GRIA4: variants seen among roughly 807,000 people sequenced by gnomAD.
GRIA4 encodes glutamate ionotropic receptor AMPA type subunit 4, also known as glutamate receptor 4.
GRIA4 carries 34 observed loss-of-function variants against 104.0 expected under a neutral mutation model. That is an observed-to-expected ratio of 0.33 (90% CI 0.25 to 0.44). The LOEUF is 0.44. GRIA4 is among the 20% of genes least tolerant of loss of function. The pLI is 1.00. For synonymous variants in GRIA4, 386 were observed against 381.9 expected (o/e 1.01, Z -0.13); for missense variants, 750 against 1,096.5 (o/e 0.68, Z 4.46).
At chr11:105,948,041 T>C (rs566891142) in intron 14 of GRIA4, among the ~76,000 whole-genome samples, 1 of 152,176 alleles carries the variant, frequency 6.6e-6, no homozygotes, top group African/African-American at 2.4e-5. Flanking sequence ...CCCCCATGTA[T>C]CTGAACTTTG....
intron 4 of GRIA4, among the ~76,000 whole-genome samples, chr11:105,830,977 C>T (rs889695497): frequency 6.6e-6 from 1 of 151,992 alleles, no homozygotes; most frequent in African/African-American, 2.4e-5. Flanking sequence ...CACGCACACA[C>T]ACACACACAC....
chr11:105,901,119 T>C (rs1421123058), intron 7 of GRIA4, among the ~76,000 whole-genome samples: 1 of 152,172 alleles, frequency 6.6e-6, no homozygotes, highest in African/African-American at 2.4e-5. Context: ...CTCATCTTTG[T>C]AGTCTTCATG....
intron 3 of GRIA4, among the ~76,000 whole-genome samples, chr11:105,703,329 C>T (rs1373926): frequency 0.45 from 69,059 of 151,932 alleles, 15,839 homozygotes; most frequent in East Asian, 0.58. Context: ...GAACTGAGTA[C>T]AGCAGGGGTG....
chr11:105,704,819 T>C lies in GRIA4; in HGVS notation c.248-48162T>C, dbSNP rs113577168. ...CTTTCTTGTATTACATTATTCAACA[T>C]TATAGCAATGTTTCTCCCATGTTAG... is the stretch of plus-strand genomic sequence containing the variant. On this transcript the variant is annotated intron_variant, in intron 3 of 16. Transcript: ENST00000282499. Among the ~76,000 whole-genome samples the C allele has an allele frequency of 6.8e-3, 1,039 of 152,248 alleles. 3 individuals are homozygous for C. Among genetic ancestry groups the C allele is most frequent in the Non-Finnish European group, 0.013 (870 of 67,998 alleles).
chr11:105,967,724 G>C (rs1282359154), intron 14 of GRIA4, among the ~76,000 whole-genome samples: 2 of 145,658 alleles, frequency 1.4e-5, no homozygotes, highest in East Asian at 4.0e-4. Flanking sequence ...AAAAATCCAC[G>C]TAGGTTGTTA....
intron 3 of GRIA4, among the ~76,000 whole-genome samples, chr11:105,625,701 T>A (rs141658422): frequency 6.6e-6 from 1 of 152,228 alleles, no homozygotes; most frequent in Non-Finnish European, 1.5e-5. Context: ...TTCCAATTAT[T>A]TAGGCATTGT....
intron 3 of GRIA4, among the ~76,000 whole-genome samples, chr11:105,643,031 C>T (rs149292231): frequency 0.012 from 1,771 of 152,182 alleles, 15 homozygotes; most frequent in Admixed American, 0.021. Flanking sequence ...GGGGGAAAAG[C>T]CTCATAAAAC....
chr11:105,948,883 G>A (rs1230372907), intron 14 of GRIA4, among the ~76,000 whole-genome samples: 2 of 151,924 alleles, frequency 1.3e-5, no homozygotes, highest in East Asian at 1.9e-4. Flanking sequence ...GAGCCACCAC[G>A]CCTGGCCAAC....
At chr11:105,974,727 A>G in intron 16 of GRIA4, 1 of 593,958 alleles carries the variant, frequency 1.7e-6, no homozygotes, top group Non-Finnish European at 2.9e-6. Flanking sequence ...ACTGTTTGAA[A>G]CTTTATGTTG....
chr11:105,709,817 G>A (rs1953847572), intron 3 of GRIA4, among the ~76,000 whole-genome samples: 1 of 152,082 alleles, frequency 6.6e-6, no homozygotes, highest in South Asian at 2.1e-4. Context: ...GCAGTACGTA[G>A]ATTACAAGAA....
At chr11:105,721,537 G>T (rs1424773757) in intron 3 of GRIA4, among the ~76,000 whole-genome samples, 1 of 152,026 alleles carries the variant, frequency 6.6e-6, no homozygotes, top group East Asian at 1.9e-4. Context: ...TTCTATAATT[G>T]GATTTGTTTC....
intron 3 of GRIA4, among the ~76,000 whole-genome samples, chr11:105,627,387 A>G (rs1337427248): frequency 6.6e-6 from 1 of 152,126 alleles, no homozygotes; most frequent in African/African-American, 2.4e-5. Flanking sequence ...CCTGGAGGAT[A>G]GGATAAGGAT....
chr11:105,932,986 C>G (rs1383117784), intron 13 of GRIA4, among the ~76,000 whole-genome samples: 1 of 152,096 alleles, frequency 6.6e-6, no homozygotes, highest in African/African-American at 2.4e-5. Context: ...CACCTGTAAT[C>G]CCAGCACTTT....
chr11:105,941,106 C>CTAGTCCTGA, intron 14 of GRIA4, among the ~76,000 whole-genome samples: 1 of 152,224 alleles, frequency 6.6e-6, no homozygotes, highest in East Asian at 1.9e-4. Context: ...AAACCTAACC[C>CTAGTCCTGA]TAGTCCTGAG....
At chr11:105,883,904 G>A (rs936161493) in intron 5 of GRIA4, among the ~76,000 whole-genome samples, 1 of 152,136 alleles carries the variant, frequency 6.6e-6, no homozygotes, top group Non-Finnish European at 1.5e-5. Context: ...CAGTGTAAAA[G>A]TGTTCCTAAT....
rs1565454962 is a variant in GRIA4, at chr11:105,674,755, C to A, written c.247+62321C>A. ...TACTTCCCAAGGTTTAAAAGAGGAG[C>A]ATTGCAAGAAGAAAATGGAATCTTA... On this transcript the variant is annotated intron_variant, in intron 3 of 16. Coordinates refer to ENST00000282499, the MANE Select transcript of GRIA4 (RefSeq NM_000829.4). 3.3e-5 allele frequency among the ~76,000 whole-genome samples: 5 copies of A among 151,754 alleles called. No individual in the cohort carries two copies. In the South Asian group the frequency reaches 1.0e-3, roughly 31 times the overall value.
chr11:105,841,219 A>T (rs1944381293), intron 4 of GRIA4, among the ~76,000 whole-genome samples: 1 of 151,978 alleles, frequency 6.6e-6, no homozygotes, highest in South Asian at 2.1e-4. Context: ...GATAACGTAC[A>T]GAGTGGGTTC....
intron 4 of GRIA4, among the ~76,000 whole-genome samples, chr11:105,760,590 A>G (rs1217381906): frequency 6.6e-6 from 1 of 152,100 alleles, no homozygotes; most frequent in African/African-American, 2.4e-5. Flanking sequence ...TGTTTTCTGG[A>G]TGAGTTTGCA....
intron 4 of GRIA4, among the ~76,000 whole-genome samples, chr11:105,775,010 T>G (rs1941388471): frequency 1.3e-5 from 2 of 152,104 alleles, no homozygotes; most frequent in Admixed American, 1.3e-4. Flanking sequence ...AGGGCCAAGC[T>G]CCTTCTGGAG....
Sources: allele counts gnomAD v4.1 joint callset (sites outside exome capture counted in the v4.1 genomes callset), GRCh38; gene constraint gnomAD v4.1.1; transcripts MANE v1.5; gene names NCBI Gene and HGNC (gene_info 2026-07-23, HGNC 2026-07-21).